The following GALNTL5 variants were observed in gnomAD, a reference collection of about 807,000 sequenced individuals.
GALNTL5 encodes the protein polypeptide N-acetylgalactosaminyltransferase like 5.
Under a neutral mutation model 51.0 loss-of-function variants are expected in GALNTL5, and 44 were observed. The observed-to-expected ratio is 0.86, with a 90% CI of 0.68 to 1.11. GALNTL5 has a LOEUF of 1.11. Ranked by LOEUF, GALNTL5 falls within the 50% of genes least tolerant of loss-of-function variation. GALNTL5 has a pLI of 0.00. For missense variants in GALNTL5, 528 were observed against 531.8 expected (o/e 0.99, Z 0.07); for synonymous variants, 192 against 182.8 (o/e 1.05, Z -0.41).
chr7:151,992,668 T>C (rs1471140172), intron 5 of GALNTL5, among the ~76,000 whole-genome samples: 1 of 152,192 alleles, frequency 6.6e-6, no homozygotes, highest in Non-Finnish European at 1.5e-5. Flanking sequence ...AGACTCTGTT[T>C]CCAGATAAAG....
chr7:151,967,574 C>A (rs2151939143), intron 2 of GALNTL5, 81 bp downstream of exon 2: 2 of 1,242,580 alleles, frequency 1.6e-6, no homozygotes, highest in African/African-American at 1.5e-5. Flanking sequence ...GAGTACGAGA[C>A]TATCCTTTTT....
intron 3 of GALNTL5, among the ~76,000 whole-genome samples, chr7:151,977,549 GT>G (rs1302182751): frequency 1.3e-5 from 2 of 152,116 alleles, no homozygotes; most frequent in Non-Finnish European, 2.9e-5. Context: ...TGTGATTTAT[GT>G]TTTTCTTTTT....
intron 1 of GALNTL5, among the ~76,000 whole-genome samples, chr7:151,961,497 C>A (rs572247141): frequency 1.3e-5 from 2 of 152,292 alleles, no homozygotes; most frequent in East Asian, 1.9e-4. Flanking sequence ...GGTGACAGAG[C>A]TAGACCCTTT....
chr7:151,980,737 A>AC (rs2081268450), intron 3 of GALNTL5, among the ~76,000 whole-genome samples: 1 of 98,966 alleles, frequency 1.0e-5, no homozygotes, highest in Admixed American at 1.2e-4. Context: ...GCTAACAATG[A>AC]TTTTTTTTTT....
intron 7 of GALNTL5, among the ~76,000 whole-genome samples, chr7:152,008,786 G>A (rs1158560805): frequency 6.6e-6 from 1 of 151,708 alleles, no homozygotes. Flanking sequence ...GTTCCCTTTG[G>A]ACGTAGGCAT....
intron 3 of GALNTL5, among the ~76,000 whole-genome samples, chr7:151,980,992 T>C (rs533348944): frequency 2.6e-5 from 4 of 151,596 alleles, no homozygotes; most frequent in African/African-American, 9.7e-5. Context: ...TGATCCGCCC[T>C]CCTCAGCCTC....
intron 5 of GALNTL5, among the ~76,000 whole-genome samples, chr7:151,997,330 G>A (rs1027563922): frequency 1.3e-5 from 2 of 152,078 alleles, no homozygotes; most frequent in East Asian, 1.9e-4. Context: ...TAAATAGCAC[G>A]GTCCTTCCCG....
chr7:151,963,843 A>G (rs1419408657), intron 1 of GALNTL5, among the ~76,000 whole-genome samples: 4 of 152,202 alleles, frequency 2.6e-5, no homozygotes, highest in African/African-American at 7.2e-5. Context: ...ACCAACATCA[A>G]TGTTTTGATA....
Position 151,992,947 on chromosome 7 carries a change from T to A in GALNTL5, c.658+5666T>A, listed in dbSNP as rs113265901. ...CACGCATCGCATCTGTGTTCAAAAGTAAGATGCGGACTGGACACGATGGCT... is the reference window on the plus strand; with the variant it reads ...CACGCATCGCATCTGTGTTCAAAAGAAAGATGCGGACTGGACACGATGGCT... On this transcript the variant is annotated intron_variant, in intron 5 of 8. Coordinates refer to ENST00000392800, the MANE Select transcript of GALNTL5 (RefSeq NM_145292.4). Among the ~76,000 whole-genome samples, 1,264 of 152,188 alleles carry A rather than the reference T, an allele frequency of 8.3e-3. 18 individuals carry two copies. The highest frequency in any genetic ancestry group is 0.028 in the African/African-American group (1,166 of 41,522).
chr7:152,000,898 C>CT (rs908701686), intron 5 of GALNTL5, among the ~76,000 whole-genome samples: 5 of 145,862 alleles, frequency 3.4e-5, no homozygotes, highest in African/African-American at 1.3e-4. Context: ...CTTTTCTTTT[C>CT]TTTTTTTTCT....
intron 5 of GALNTL5, among the ~76,000 whole-genome samples, chr7:151,989,780 A>C (rs1305329361): frequency 6.6e-6 from 1 of 152,226 alleles, no homozygotes; most frequent in Non-Finnish European, 1.5e-5. Flanking sequence ...TTGGCCAAAA[A>C]ATAGGCTACC....
chr7:151,982,926 A>T lies in GALNTL5; in HGVS notation c.369-60A>T, dbSNP rs561010805. ...AAATAAGGAGAAGTGTTTGAACGAG[A>T]TGACACAACATCCAAGGCATTTAGA... On this transcript the variant is annotated intron_variant, in intron 3 of 8. Coordinates refer to ENST00000392800, the MANE Select transcript of GALNTL5 (RefSeq NM_145292.4). The T allele has an allele frequency of 1.5e-4, 238 of 1,613,000 alleles. 2 individuals are homozygous for T. In the South Asian group the frequency reaches 2.5e-3, roughly 17 times the overall value.
chr7:152,000,167 C>G (rs1046757363), intron 5 of GALNTL5, among the ~76,000 whole-genome samples: 1 of 152,162 alleles, frequency 6.6e-6, no homozygotes, highest in Non-Finnish European at 1.5e-5. Context: ...AGGACACTTG[C>G]TTTTAGATTA....
chr7:151,992,239 C>A (rs575580131), intron 5 of GALNTL5, among the ~76,000 whole-genome samples: 132 of 151,030 alleles, frequency 8.7e-4, no homozygotes, highest in Non-Finnish European at 1.4e-3. Flanking sequence ...CAGCAGGCAT[C>A]CTTTCTGCTT....
chr7:151,989,270 C>T (rs1313800132), intron 5 of GALNTL5, among the ~76,000 whole-genome samples: 1 of 151,944 alleles, frequency 6.6e-6, no homozygotes, highest in Non-Finnish European at 1.5e-5. Context: ...CTGCCTCAGC[C>T]TCCCCCAAGA....
intron 5 of GALNTL5, among the ~76,000 whole-genome samples, chr7:151,988,449 C>A (rs1027236160): frequency 2.6e-5 from 4 of 152,150 alleles, no homozygotes; most frequent in Admixed American, 1.3e-4. Flanking sequence ...AATGTCCCTG[C>A]TCCTTAGCAG....
At chr7:152,014,948 G>A (rs1231651328) in intron 8 of GALNTL5, among the ~76,000 whole-genome samples, 155 bp downstream of exon 8, 1 of 152,166 alleles carries the variant, frequency 6.6e-6, no homozygotes, top group Non-Finnish European at 1.5e-5. Flanking sequence ...AATACTGCAT[G>A]TTCTCATTTA....
intron 1 of GALNTL5, among the ~76,000 whole-genome samples, chr7:151,964,895 G>A (rs10245647): frequency 6.6e-6 from 1 of 151,892 alleles, no homozygotes; most frequent in Non-Finnish European, 1.5e-5. Flanking sequence ...CACCTCAGAC[G>A]TAGCAACCTG....
chr7:151,966,545 A>C (rs772714113), intron 1 of GALNTL5, among the ~76,000 whole-genome samples: 11 of 152,330 alleles, frequency 7.2e-5, no homozygotes, highest in South Asian at 2.1e-4. Flanking sequence ...CTGGGATTAC[A>C]GGCATGAGCC....
Sources: allele counts gnomAD v4.1 joint callset (sites outside exome capture counted in the v4.1 genomes callset), GRCh38; gene constraint gnomAD v4.1.1; transcripts MANE v1.5; gene names NCBI Gene and HGNC (gene_info 2026-07-23, HGNC 2026-07-21).